Variants in ARMC9 observed in about 807,000 individuals in gnomAD.
The protein encoded by ARMC9 is armadillo repeat containing 9, also known as lisH domain-containing protein ARMC9.
In ARMC9, 94 loss-of-function variants were observed where a neutral mutation model predicts 107.0. The observed-to-expected ratio is 0.88, with a 90% confidence interval of 0.74 to 1.04. ARMC9 has a LOEUF of 1.04. ARMC9 is among the 50% of genes least tolerant of loss of function. The pLI is 0.00. For missense variants in ARMC9, 942 were observed against 1,030.1 expected (o/e 0.91, Z 1.17); for synonymous variants, 380 against 396.9 (o/e 0.96, Z 0.51).
intron 9 of ARMC9, among the ~76,000 whole-genome samples, chr2:231,241,498 AT>A (rs1559339276): frequency 1.3e-5 from 2 of 152,056 alleles, no homozygotes; most frequent in Non-Finnish European, 2.9e-5. Flanking sequence ...AGCTGTATAG[AT>A]TTGGAATGAG....
intron 20 of ARMC9, among the ~76,000 whole-genome samples, chr2:231,341,666 A>ATAGT (rs1052431221): frequency 7.2e-5 from 11 of 151,912 alleles, no homozygotes; most frequent in Admixed American, 2.6e-4. Context: ...AGATAGATAG[A>ATAGT]TAGATAGATA....
rs776571450 is a variant in ARMC9 at position 231,331,782 on chromosome 2, T to C, written c.1774-11T>C. ...GTGTCCATGGCATTCACCCCATGTC[T>C]CCTGAAACAGGAGGACCATGACATC... On this transcript the variant is annotated splice_polypyrimidine_tract_variant and intron_variant, in intron 19 of 24. Coordinates refer to ENST00000611582, the MANE Select transcript of ARMC9 (RefSeq NM_001352754.2). The C allele has an allele frequency of 6.2e-7, 1 of 1,612,646 alleles. No homozygotes were observed. The highest frequency in any genetic ancestry group is 1.3e-5 in the African/African-American group (1 of 75,010).
intron 20 of ARMC9, among the ~76,000 whole-genome samples, chr2:231,337,727 A>G (rs899063550): frequency 6.6e-6 from 1 of 152,034 alleles, no homozygotes; most frequent in Admixed American, 6.6e-5. Context: ...CCCGGCCTCA[A>G]TGTCTATATT....
At chr2:231,251,973 C>G (rs1167842094) in intron 9 of ARMC9, among the ~76,000 whole-genome samples, 2 of 152,314 alleles carry the variant, frequency 1.3e-5, no homozygotes, top group African/African-American at 4.8e-5. Context: ...GCCACTCCTT[C>G]TACAGCCATC....
chr2:231,277,225 T>G (rs2039838943), intron 15 of ARMC9, among the ~76,000 whole-genome samples: 1 of 152,100 alleles, frequency 6.6e-6, no homozygotes, highest in Non-Finnish European at 1.5e-5. Flanking sequence ...TGGGCACAAG[T>G]CATTTATATA....
intron 1 of ARMC9, among the ~76,000 whole-genome samples, chr2:231,201,187 G>T (rs2030885245): frequency 6.6e-6 from 1 of 152,176 alleles, no homozygotes; most frequent in Admixed American, 6.5e-5. Flanking sequence ...TTTGCATCTG[G>T]CAGGGCTGGT....
intron 12 of ARMC9, chr2:231,270,676 T>C (rs2039244831): frequency 1.8e-6 from 1 of 541,188 alleles, no homozygotes; most frequent in Non-Finnish European, 3.7e-6. Context: ...GATCTGCCAT[T>C]CTAACCTGGA....
intron 19 of ARMC9, among the ~76,000 whole-genome samples, chr2:231,312,027 T>C (rs922164315): frequency 6.6e-6 from 1 of 152,156 alleles, no homozygotes; most frequent in Non-Finnish European, 1.5e-5. Flanking sequence ...ATTTGATCAA[T>C]GTTATGTTTG....
At chr2:231,355,696 A>G in intron 21 of ARMC9, 102 bp from the exon 22 acceptor site, 1 of 1,349,146 alleles carries the variant, frequency 7.4e-7, no homozygotes, top group South Asian at 1.5e-5. Flanking sequence ...CAAGACTTTG[A>G]GGCACCGCCC....
chr2:231,268,338 C>T (rs1230844304), intron 12 of ARMC9, among the ~76,000 whole-genome samples: 1 of 151,500 alleles, frequency 6.6e-6, no homozygotes, highest in Non-Finnish European at 1.5e-5. Context: ...TGTGTAGATG[C>T]TATACTTCAG....
At chr2:231,295,892 T>G (rs2041331926) in intron 18 of ARMC9, 1 of 227,684 alleles carries the variant, frequency 4.4e-6, no homozygotes, top group Non-Finnish European at 8.5e-6. Flanking sequence ...TCTAGCATGA[T>G]GCCTTGAAAT....
At chr2:231,274,643 G>C (rs1485215721) in intron 14 of ARMC9, among the ~76,000 whole-genome samples, 1 of 152,016 alleles carries the variant, frequency 6.6e-6, no homozygotes, top group Non-Finnish European at 1.5e-5. Context: ...ACTTTCTTGA[G>C]AACTCTAGTC....
chr2:231,248,657 A>G (rs1301828190), intron 9 of ARMC9, among the ~76,000 whole-genome samples: 1 of 151,912 alleles, frequency 6.6e-6, no homozygotes, highest in South Asian at 2.1e-4. Context: ...AAATACAAAA[A>G]TTAGCCAGGC....
At chr2:231,349,762 CAGAGTG>C (rs1327039480) in intron 21 of ARMC9, among the ~76,000 whole-genome samples, 1 of 150,830 alleles carries the variant, frequency 6.6e-6, no homozygotes, top group African/African-American at 2.5e-5. Flanking sequence ...GCCTAGGTAA[CAGAGTG>C]AGACCCCCAA....
At position 231,272,326 on chromosome 2, in the gene ARMC9, G is replaced by A. The variant is rs573008968; in HGVS notation, c.1211-629G>A. 5.3e-5 allele frequency among the ~76,000 whole-genome samples: 8 copies of A among 151,072 alleles called. No homozygotes were observed. The South Asian group carries it at 8.4e-4, about 16-fold the overall frequency. On this transcript the variant is annotated intron_variant, in intron 13 of 24. Transcript: ENST00000611582. ...CTCGCGCCTCAGCCCCCCAATTAGC[G>A]GGATCAACAGGTGTGCATCATCATA...
chr2:231,206,068 G>A lies in ARMC9; in HGVS notation c.-41-130G>A, dbSNP rs114205681. 2,052 of 658,986 alleles carry A rather than the reference G, an allele frequency of 3.1e-3. 27 individuals are homozygous for A. The African/African-American group carries it at 0.032, about 10-fold the overall frequency. 40.8% of individuals were successfully genotyped at this position (658,986 alleles called of 1,614,324 possible). A position where few individuals can be genotyped will look rare whatever the true frequency, so the allele number is the denominator to read the frequency against. On this transcript the variant is annotated intron_variant, in intron 1 of 24. Transcript: ENST00000611582. The stretch of plus-strand genomic sequence containing the variant: ...ATTCCCCCTTGCCGTGTAACCTCAC[G>A]TATTCACAGGTTCTGGGGATTGGCG...
chr2:231,346,891 A>G (rs1012987550), intron 21 of ARMC9, among the ~76,000 whole-genome samples: 1 of 152,252 alleles, frequency 6.6e-6, no homozygotes, highest in East Asian at 1.9e-4. Flanking sequence ...AGGAACTAAT[A>G]AAATTCCTCT....
chr2:231,327,795 T>G lies in ARMC9; in HGVS notation c.1774-3998T>G, dbSNP rs373739326. Among the ~76,000 whole-genome samples, 50 of 152,000 alleles carry G rather than the reference T, an allele frequency of 3.3e-4. 1 individual carries two copies. The highest frequency in any genetic ancestry group is 1.7e-3 in the East Asian group (9 of 5,184). The stretch of plus-strand genomic sequence containing the variant: ...GCTTTTTTTGTTTTTGTTTTTTTGG[T>G]TTTTTTTGACACTGAGTCTTGCTCT... On this transcript the variant is annotated intron_variant, in intron 19 of 24. Transcript: ENST00000611582.
At chr2:231,287,092 A>G (rs2040647711) in intron 17 of ARMC9, among the ~76,000 whole-genome samples, 1 of 152,246 alleles carries the variant, frequency 6.6e-6, no homozygotes, top group Non-Finnish European at 1.5e-5. Context: ...AAAAGCTCCC[A>G]GAATCTGGGA....
Sources: allele counts gnomAD v4.1 joint callset (sites outside exome capture counted in the v4.1 genomes callset), GRCh38; gene constraint gnomAD v4.1.1; transcripts MANE v1.5; gene names NCBI Gene and HGNC (gene_info 2026-07-23, HGNC 2026-07-21).